The following COG1 variants were observed in gnomAD, a reference collection of about 807,000 sequenced individuals.
The protein encoded by COG1 is component of oligomeric golgi complex 1.
COG1 carries 61 observed loss-of-function variants against 102.2 expected under a neutral mutation model. The observed-to-expected ratio is 0.60, with a 90% confidence interval of 0.49 to 0.74. The LOEUF (loss-of-function observed/expected upper bound fraction) is 0.74. Ranked by LOEUF, COG1 falls within the 30% of genes least tolerant of loss-of-function variation. COG1 has a pLI of 0.00. For synonymous variants in COG1, 454 were observed against 493.6 expected, an observed-to-expected ratio of 0.92 and a Z score of 1.06; for missense variants, 1,164 against 1,232.1, an observed-to-expected ratio of 0.94 and a Z score of 0.83.
rs1257711905 is a variant in COG1 at position 73,200,633 on chromosome 17, G to A, written c.1138G>A (p.Ala380Thr). The stretch of plus-strand genomic sequence containing the variant: ...GTACGTGAAGAGCATGAAGGGTCTC[G>A]CGGGAATCCGGGACGCCATGTGGGA... ...LMYVKSMKGLAGIRDAMWELL... is the reference protein window; with the variant it reads ...LMYVKSMKGLTGIRDAMWELL... The change falls in exon 6 of 14, where the codon GCG (alanine) becomes ACG (threonine). Residue 380 changes from alanine to threonine, a missense_variant. Ala to Thr is a moderately conservative substitution (Grantham distance 58). Transcript: ENST00000299886. 14 of 1,614,020 alleles carry A rather than the reference G, an allele frequency of 8.7e-6. No homozygotes were observed. The highest frequency in any genetic ancestry group is 1.3e-5 in the African/African-American group (1 of 74,888).
chr17:73,205,732 T>C (rs1165730128), intron 10 of COG1, 52 bp downstream of exon 10: 2 of 1,609,716 alleles, frequency 1.2e-6, no homozygotes, highest in Non-Finnish European at 1.7e-6. Context: ...CAAAAGCAAA[T>C]AGTCCCTTTG....
chr17:73,196,414 C>G (rs2061325058), intron 1 of COG1, 93 bp from the exon 2 acceptor site: 1 of 1,589,170 alleles, frequency 6.3e-7, no homozygotes. Context: ...AGTTTTGTAT[C>G]CTTAAATACC....
chr17:73,206,911 G>A (rs2061377037), intron 12 of COG1, 94 bp downstream of exon 12: 1 of 923,140 alleles, frequency 1.1e-6, no homozygotes, highest in African/African-American at 1.6e-5. Context: ...CTAACATGGT[G>A]AAACCCTGTC....
intron 1 of COG1, 72 bp from the exon 2 acceptor site, chr17:73,196,435 T>C (rs1244249375): frequency 6.2e-7 from 1 of 1,611,836 alleles, no homozygotes; most frequent in Non-Finnish European, 8.5e-7. Flanking sequence ...CCCAGATTTC[T>C]TCCTAAGCCT....
At chr17:73,203,926 G>A in intron 9 of COG1, 133 bp downstream of exon 9, 3 of 987,072 alleles carry the variant, frequency 3.0e-6, no homozygotes, top group East Asian at 2.6e-5. Flanking sequence ...ATCGGGTCCT[G>A]TAAAAATGCT....
Position 73,206,747 on chromosome 17 carries a change from G to GC in COG1, c.2665dup (p.Arg889ProfsTer12), listed in dbSNP as rs747606976. ...GGTGACTGGTACAGAGAATCAGCTC[G>GC]CCCCCCGGAGCAGTACGTTCAACTC... On this transcript the variant is annotated frameshift_variant, in exon 12 of 14. Transcript: ENST00000299886. LOFTEE classifies it high-confidence loss of function. 5.0e-6 allele frequency: 8 copies of GC among 1,611,144 alleles called. No individual in the cohort carries two copies. The Admixed American group carries it at 8.4e-5, about 17-fold the overall frequency.
In COG1 at chr17:73,201,676, C is replaced by T; in HGVS notation, c.1849C>T (p.Leu617Phe). ...GCACTCAGTTCTTTTCATGGCCAGA[C>T]TCTGCCAGTCCCTGGGAGAGCTGTG... ...KLHSVLFMAR[L>F]CQSLGELCPH... Residue 617 changes from leucine to phenylalanine, a missense_variant, in exon 7 of 14, where the codon CTC becomes TTC. Physicochemically the swap from Leu to Phe is conservative, Grantham distance 22 (BLOSUM62 0). Transcript: ENST00000299886. 1 of 1,614,220 alleles carries T rather than the reference C, an allele frequency of 6.2e-7. No individual in the cohort carries two copies. Among genetic ancestry groups the T allele is most frequent in the Middle Eastern group, 1.6e-4 (1 of 6,062 alleles).
Position 73,201,462 on chromosome 17 carries a change from G to A in COG1, c.1635G>A (p.Lys545=). 6.2e-7 allele frequency: 1 copy of A among 1,614,250 alleles called. No individual in the cohort carries two copies. The highest frequency in any genetic ancestry group is 8.5e-7 in the Non-Finnish European group (1 of 1,180,048). The part of the protein sequence containing the change: ...YLPSDDSSLP[K]DVSPTQAKSS... ...CCTCTGATGACTCATCACTGCCCAA[G>A]GACGTTTCTCCCACACAGGCCAAGA... The change falls in exon 7 of 14, where the codon AAG becomes AAA. Residue 545 remains lysine, a synonymous_variant. Coordinates refer to ENST00000299886, the MANE Select transcript of COG1 (RefSeq NM_018714.3).
chr17:73,193,415 G>A (rs1409499811), intron 1 of COG1, 31 bp downstream of exon 1: 6 of 1,388,886 alleles, frequency 4.3e-6, no homozygotes, highest in Non-Finnish European at 5.6e-6. Context: ...CCTGCGACCC[G>A]CAGGCGGGTC....
intron 1 of COG1, 119 bp downstream of exon 1, chr17:73,193,503 C>T (rs950396526): frequency 9.8e-7 from 1 of 1,019,030 alleles, no homozygotes; most frequent in Non-Finnish European, 1.3e-6. Flanking sequence ...CCTTCCTTAG[C>T]CAGGAGCCTA....
At chr17:73,204,129 A>G (rs904418784) in intron 9 of COG1, among the ~76,000 whole-genome samples, 1 of 152,170 alleles carries the variant, frequency 6.6e-6, no homozygotes, top group Non-Finnish European at 1.5e-5. Flanking sequence ...TCACCACTGC[A>G]CTCCAGCCTG....
At chr17:73,204,554 CTTTTTTTTT>C (rs575425786) in intron 9 of COG1, among the ~76,000 whole-genome samples, 6 of 95,888 alleles carry the variant, frequency 6.3e-5, no homozygotes, top group African/African-American at 8.2e-5. Flanking sequence ...TCATTAGTAA[CTTTTTTTTT>C]TTTTTTTTTT....
chr17:73,206,753 C>T lies in COG1; in HGVS notation c.2665C>T (p.Arg889Trp), dbSNP rs144316008. ...TGGTACAGAGAATCAGCTCGCCCCC[C>T]GGAGCAGTACGTTCAACTCCCAAGA... Reference protein sequence around the residue: ...VTGTENQLAPRSSTFNSQEPH... With the variant: ...VTGTENQLAPWSSTFNSQEPH... Residue 889 changes from arginine to tryptophan, a missense_variant, in exon 12 of 14, where the codon CGG becomes TGG. Physicochemically the swap from Arg to Trp is moderately radical, Grantham distance 101. Transcript: ENST00000299886. 2.8e-5 allele frequency: 45 copies of T among 1,613,356 alleles called. No homozygotes were observed. Among genetic ancestry groups the T allele is most frequent in the Middle Eastern group, 1.6e-4 (1 of 6,084 alleles).
chr17:73,197,118 T>C, intron 3 of COG1, 37 bp downstream of exon 3: 1 of 1,613,622 alleles, frequency 6.2e-7, no homozygotes, highest in South Asian at 1.1e-5. Flanking sequence ...GGTCCTTAAA[T>C]ATGGGATGGA....
At chr17:73,195,045 T>C (rs1323677354) in intron 1 of COG1, among the ~76,000 whole-genome samples, 1 of 152,242 alleles carries the variant, frequency 6.6e-6, no homozygotes, top group Non-Finnish European at 1.5e-5. Context: ...AAAGCTAACA[T>C]TTAGTACACG....
In COG1 at chr17:73,207,672, A is replaced by G. The variant is rs754725706; in HGVS notation, c.2805+416A>G. The G allele has an allele frequency of 4.4e-5, 57 of 1,294,792 alleles. No homozygotes were observed. In the South Asian group the frequency reaches 4.9e-4, roughly 11 times the overall value. The allele number at this position is 1,294,792 out of a possible 1,614,324, so 80.2% of individuals were successfully genotyped here. A position where few individuals can be genotyped will look rare whatever the true frequency, so the allele number is the denominator to read the frequency against. On this transcript the variant is annotated intron_variant, in intron 13 of 13. Coordinates refer to ENST00000299886, the MANE Select transcript of COG1 (RefSeq NM_018714.3). ...AAATTTGTTTCCCCAAAAGTTTGAC[A>G]TTTTCTTGTTAATACACGTTTCATT...
Position 73,201,833 on chromosome 17 carries a change from A to T in COG1, c.2006A>T (p.Glu669Val). 1 of 1,614,230 alleles carries T rather than the reference A, an allele frequency of 6.2e-7. No individual in the cohort carries two copies. Among genetic ancestry groups the T allele is most frequent in the Admixed American group, 1.7e-5 (1 of 60,026 alleles). ...EIIPTQAKWQ[E>V]VKEVLLQQSV... ...ATTCCTACACAGGCCAAGTGGCAAG[A>T]GGTTAAAGAAGTACTCCTCCAGCAG... The change falls in exon 7 of 14, where the codon GAG becomes GTG. Residue 669 changes from glutamate to valine, a missense_variant. Coordinates refer to ENST00000299886, the MANE Select transcript of COG1 (RefSeq NM_018714.3).
rs779888529 is a variant in COG1, at chr17:73,207,216, G to A, written c.2765G>A (p.Arg922Gln). 1.5e-5 allele frequency: 24 copies of A among 1,613,390 alleles called. 1 individual carries two copies. Among genetic ancestry groups the A allele is most frequent in the East Asian group, 8.9e-5 (4 of 44,850 alleles). The change falls in exon 13 of 14, where the codon CGA becomes CAA. Residue 922 changes from arginine (R) to glutamine (Q), a missense_variant. Arg to Gln is a conservative substitution (Grantham distance 43, BLOSUM62 1). Transcript: ENST00000299886. ...CTCCCACTGAGCATGACAAGCACTC[G>A]AAAGGCTAAATCAACCAGAAACATC... ...GLLPLSMTST[R>Q]KAKSTRNIET...
intron 3 of COG1, 53 bp downstream of exon 3, chr17:73,197,134 G>C (rs2145093234): frequency 6.2e-7 from 1 of 1,613,126 alleles, no homozygotes; most frequent in Non-Finnish European, 8.5e-7. Flanking sequence ...ATGGAGAAGG[G>C]TGAGCTGCGG....
Sources: gnomAD v4.1 joint callset for allele counts (sites outside exome capture counted in the v4.1 genomes callset) on GRCh38, gnomAD v4.1.1 for gene constraint, MANE v1.5 for transcripts, NCBI Gene and HGNC (gene_info 2026-07-23, HGNC 2026-07-21) for gene names.